PSMD14: variants seen among roughly 807,000 people sequenced by gnomAD.
PSMD14 encodes proteasome 26S subunit, non-ATPase 14.
PSMD14 carries 7 observed loss-of-function variants against 41.2 expected under a neutral mutation model. The observed-to-expected ratio is 0.17, with a 90% CI of 0.10 to 0.32. PSMD14 has a LOEUF of 0.32. Among genes scored for constraint, PSMD14 ranks in the 10% least tolerant of loss-of-function variants. The pLI, the probability that PSMD14 is intolerant of heterozygous loss-of-function variation, is 1.00. For missense variants in PSMD14, 139 were observed against 375.6 expected (o/e 0.37, Z 5.21); for synonymous variants, 114 against 122.3 (o/e 0.93, Z 0.45).
At chr2:161,401,384 T>A (rs1241783980) in intron 10 of PSMD14, among the ~76,000 whole-genome samples, 1 of 152,236 alleles carries the variant, frequency 6.6e-6, no homozygotes, top group African/African-American at 2.4e-5. Context: ...CTCATCCCCA[T>A]TTGTTCAAGG....
chr2:161,403,563 A>T (rs571592423), intron 10 of PSMD14, among the ~76,000 whole-genome samples: 1 of 152,290 alleles, frequency 6.6e-6, no homozygotes, highest in East Asian at 1.9e-4. Flanking sequence ...AAATTGGTTC[A>T]TGTCACTACC....
chr2:161,389,201 G>A (rs1465373745), intron 8 of PSMD14, among the ~76,000 whole-genome samples: 1 of 152,120 alleles, frequency 6.6e-6, no homozygotes, highest in African/African-American at 2.4e-5. Context: ...ACTGGCTTCT[G>A]TATGTATTGG....
chr2:161,379,603 G>A (rs1325182716), intron 7 of PSMD14, among the ~76,000 whole-genome samples: 15 of 151,972 alleles, frequency 9.9e-5, no homozygotes. Flanking sequence ...CTTCATGATA[G>A]CAGTACTCTG....
intron 10 of PSMD14, chr2:161,407,392 A>G (rs1683961977): frequency 1.3e-5 from 2 of 152,118 alleles, no homozygotes; most frequent in Admixed American, 6.5e-5. Flanking sequence ...CTTATGAGTC[A>G]TAAATGCATT....
chr2:161,314,242 G>A (rs1374373150), intron 1 of PSMD14, among the ~76,000 whole-genome samples: 2 of 152,088 alleles, frequency 1.3e-5, no homozygotes, highest in Non-Finnish European at 2.9e-5. Context: ...CAAAAAATAC[G>A]TGACACATCT....
intron 3 of PSMD14, among the ~76,000 whole-genome samples, chr2:161,350,804 A>G (rs764459890): frequency 6.6e-6 from 1 of 152,234 alleles, no homozygotes; most frequent in Non-Finnish European, 1.5e-5. Context: ...GGTATTCCAT[A>G]TCTTGATTAA....
chr2:161,330,258 A>G (rs1046257845), intron 3 of PSMD14, among the ~76,000 whole-genome samples: 2 of 152,336 alleles, frequency 1.3e-5, no homozygotes, highest in South Asian at 4.1e-4. Flanking sequence ...AGTCAAGGAT[A>G]TGATGGATTT....
At chr2:161,403,589 C>T (rs545292715) in intron 10 of PSMD14, among the ~76,000 whole-genome samples, 1 of 152,198 alleles carries the variant, frequency 6.6e-6, no homozygotes, top group Admixed American at 6.5e-5. Context: ...TTTAAAAAGC[C>T]TTTGATGACT....
At chr2:161,390,491 GATTTT>G (rs150672124) in intron 8 of PSMD14, among the ~76,000 whole-genome samples, 46 of 152,204 alleles carry the variant, frequency 3.0e-4, no homozygotes, top group East Asian at 2.9e-3. Context: ...ATTAGCTTAA[GATTTT>G]ATTATGATTG....
chr2:161,391,199 TA>T, intron 9 of PSMD14, 21 bp downstream of exon 9: 1 of 1,489,938 alleles, frequency 6.7e-7, no homozygotes, highest in Non-Finnish European at 8.9e-7. Flanking sequence ...ATTTTTATCT[TA>T]TAGGAGGAAA....
chr2:161,317,131 C>T (rs141731108), intron 2 of PSMD14, among the ~76,000 whole-genome samples: 73 of 151,870 alleles, frequency 4.8e-4, no homozygotes, highest in African/African-American at 1.7e-3. Context: ...ATACAGGATT[C>T]CCCCCGCCCC....
intron 10 of PSMD14, among the ~76,000 whole-genome samples, chr2:161,406,024 T>G (rs1218173879): frequency 6.6e-6 from 1 of 152,082 alleles, no homozygotes; most frequent in Admixed American, 6.6e-5. Context: ...AAAAATCCAT[T>G]GGAATTGACC....
Position 161,411,426 on chromosome 2 carries a change from G to C in PSMD14, c.*26G>C. ...AGCAACGAAAAACGCTATTAATGAT[G>C]CCTTCAGTGTATATTCCTCTGTTGT... On this transcript the variant is annotated 3_prime_UTR_variant, in exon 12 of 12. Transcript: ENST00000409682. The C allele has an allele frequency of 1.3e-6, 2 of 1,493,138 alleles. No homozygotes were observed. The highest frequency in any genetic ancestry group is 1.9e-6 in the Non-Finnish European group (2 of 1,079,306). 92.5% of individuals were successfully genotyped at this position (1,493,138 alleles called of 1,614,324 possible). A position where few individuals can be genotyped will look rare whatever the true frequency, so the allele number is the denominator to read the frequency against.
intron 3 of PSMD14, among the ~76,000 whole-genome samples, chr2:161,365,828 T>C (rs1008700857): frequency 2.0e-5 from 3 of 152,168 alleles, no homozygotes; most frequent in Non-Finnish European, 4.4e-5. Context: ...TTTAACTATT[T>C]TGAAATATAC....
intron 10 of PSMD14, among the ~76,000 whole-genome samples, chr2:161,404,465 C>T (rs1388715385): frequency 1.3e-5 from 2 of 152,206 alleles, no homozygotes. Context: ...GCAATGTCCT[C>T]TAAGGGGCAC....
In PSMD14 at chr2:161,371,304, T is replaced by A; in HGVS notation, c.444T>A (p.Ile148=). 1 of 1,610,482 alleles carries A rather than the reference T, an allele frequency of 6.2e-7. No individual in the cohort carries two copies. Among genetic ancestry groups the A allele is most frequent in the Admixed American group, 1.7e-5 (1 of 59,550 alleles). Residue 148 remains isoleucine (I), a synonymous_variant, in exon 7 of 12, where the codon ATT becomes ATA. Coordinates refer to ENST00000409682, the MANE Select transcript of PSMD14 (RefSeq NM_005805.6). The part of the protein sequence containing the change: ...ERAVAVVVDP[I]QSVKGKVVID... ...CTGTGGCAGTGGTTGTGGATCCCAT[T>A]CAGAGTGTAAAAGGAAAGGTAGAGT...
At chr2:161,377,170 A>G (rs908085776) in intron 7 of PSMD14, among the ~76,000 whole-genome samples, 1 of 151,936 alleles carries the variant, frequency 6.6e-6, no homozygotes, top group Non-Finnish European at 1.5e-5. Context: ...TAATTTTTTG[A>G]TCAGTATCCC....
At chr2:161,371,074 T>A in intron 6 of PSMD14, 98 bp from the exon 7 acceptor site, 1 of 1,330,720 alleles carries the variant, frequency 7.5e-7, no homozygotes, top group Non-Finnish European at 1.0e-6. Context: ...GTTTTTCATC[T>A]CTTCTTAATT....
chr2:161,408,833 A>T lies in PSMD14; in HGVS notation c.772-4A>T. 1 of 1,598,988 alleles carries T rather than the reference A, an allele frequency of 6.3e-7. No homozygotes were observed. The highest frequency in any genetic ancestry group is 8.6e-7 in the Non-Finnish European group (1 of 1,168,238). ...AAACTCTGTCCTTTGTGTTTCATTC[A>T]CAGGCTGTAGAAGAAGAAGATAAGA... On this transcript the variant is annotated splice_region_variant and splice_polypyrimidine_tract_variant and intron_variant, in intron 10 of 11. Coordinates refer to ENST00000409682, the MANE Select transcript of PSMD14 (RefSeq NM_005805.6).
Sources: allele counts gnomAD v4.1 joint callset (sites outside exome capture counted in the v4.1 genomes callset), GRCh38; gene constraint gnomAD v4.1.1; transcripts MANE v1.5; gene names NCBI Gene and HGNC (gene_info 2026-07-23, HGNC 2026-07-21).